HMCN2: variants seen among roughly 807,000 people sequenced by gnomAD.
HMCN2 encodes hemicentin 2.
A neutral mutation model predicts 377.5 loss-of-function variants in HMCN2; 325 were observed. That is an observed-to-expected ratio of 0.86 (90% CI 0.79 to 0.94). HMCN2 has a LOEUF of 0.94. Among genes scored for constraint, HMCN2 ranks in the 40% least tolerant of loss-of-function variants. HMCN2 has a pLI of 0.00. For synonymous variants in HMCN2, 2,007 were observed against 2,046.8 expected, an observed-to-expected ratio of 0.98 and a Z score of 0.53; for missense variants, 4,543 against 4,725.3, an observed-to-expected ratio of 0.96 and a Z score of 1.13.
chr9:130,348,767 G>A, intron 27 of HMCN2, 92 bp downstream of exon 27: 3 of 1,269,110 alleles, frequency 2.4e-6, no homozygotes, highest in Middle Eastern at 2.3e-4. Flanking sequence ...GCCAAGGTGG[G>A]GCAGGGAGAT....
chr9:130,292,650 G>A (rs1477842090), intron 4 of HMCN2, among the ~76,000 whole-genome samples: 1 of 152,178 alleles, frequency 6.6e-6, no homozygotes, highest in Non-Finnish European at 1.5e-5. Context: ...TATTCAATGT[G>A]TTTCAATTGA....
chr9:130,402,920 C>T (rs1217311182), intron 78 of HMCN2, 24 bp downstream of exon 78: 1 of 1,284,636 alleles, frequency 7.8e-7, no homozygotes, highest in African/African-American at 1.5e-5. Flanking sequence ...GTCCAGACCC[C>T]AGAGTTCCTA....
intron 4 of HMCN2, among the ~76,000 whole-genome samples, chr9:130,286,906 G>C (rs534628772): frequency 6.6e-6 from 1 of 152,252 alleles, no homozygotes; most frequent in East Asian, 1.9e-4. Flanking sequence ...TCCTCTCGGG[G>C]CTCCATGGTA....
At chr9:130,419,182 T>C in intron 86 of HMCN2, 141 bp downstream of exon 86, 1 of 834,842 alleles carries the variant, frequency 1.2e-6, no homozygotes, top group Non-Finnish European at 1.7e-6. Context: ...AAGCCCAGAA[T>C]GAACCCCTAC....
chr9:130,406,373 G>A (rs1162907591), intron 82 of HMCN2: 15 of 367,458 alleles, frequency 4.1e-5, no homozygotes, highest in Non-Finnish European at 6.9e-5. Context: ...TATCAGAGCT[G>A]GCAAGAGGCC....
At chr9:130,401,476 A>C (rs1361497225) in intron 77 of HMCN2, among the ~76,000 whole-genome samples, 1 of 152,126 alleles carries the variant, frequency 6.6e-6, no homozygotes, top group Non-Finnish European at 1.5e-5. Context: ...GGCACCTGCC[A>C]TCATGTAGGC....
At chr9:130,376,397 A>G in intron 51 of HMCN2, 119 bp from the exon 52 acceptor site, 1 of 165,114 alleles carries the variant, frequency 6.1e-6, no homozygotes, top group Non-Finnish European at 1.3e-5. Context: ...GCTGGCTTCC[A>G]GGATCCCTGT....
In HMCN2 at chr9:130,423,282, G is replaced by C. The variant is rs949120377; in HGVS notation, c.13381+556G>C. Among the ~76,000 whole-genome samples, 1 of 152,192 alleles carries C rather than the reference G, an allele frequency of 6.6e-6. No homozygotes were observed. Among genetic ancestry groups the C allele is most frequent in the Admixed American group, 6.5e-5 (1 of 15,286 alleles). ...AGAGCTTGTGACAGTGGACGTCACTGTCTCTCCCTTCCCAAGGAATCCCTG... is the reference window on the plus strand; with the variant it reads ...AGAGCTTGTGACAGTGGACGTCACTCTCTCTCCCTTCCCAAGGAATCCCTG... On this transcript the variant is annotated intron_variant, in intron 87 of 97. Transcript: ENST00000683500. This position sits in a 1 kb window ranked among gnomAD's most constrained non-coding sequence, Gnocchi z 5.5.
chr9:130,396,283 A>G lies in HMCN2; in HGVS notation c.11168A>G (p.Asp3723Gly). 7.8e-7 allele frequency: 1 copy of G among 1,281,678 alleles called. No individual in the cohort carries two copies. Among genetic ancestry groups the G allele is most frequent in the Non-Finnish European group, 1.0e-6 (1 of 982,156 alleles). The allele number at this position is 1,281,678 out of a possible 1,614,324, so 79.4% of individuals were successfully genotyped here. A position where few individuals can be genotyped will look rare whatever the true frequency, so the allele number is the denominator to read the frequency against. ...GCACCCCTCGTGAGCTGGCGGAAGGACAGGGTCCCCCTGGATCCCAGGAGC... is the reference window on the plus strand; with the variant it reads ...GCACCCCTCGTGAGCTGGCGGAAGGGCAGGGTCCCCCTGGATCCCAGGAGC... ...VPAPLVSWRK[D>G]RVPLDPRSPR... The change falls in exon 73 of 98, where the codon GAC becomes GGC. Residue 3723 changes from aspartate to glycine, a missense_variant. By Grantham distance (94) the Asp-to-Gly change is moderately conservative (BLOSUM62 -1). Around this residue, in one of 5 missense-constraint regions of HMCN2, gnomAD observed 1,073 missense variants for 1,319.5 expected, o/e 0.81. Coordinates refer to ENST00000683500, the MANE Select transcript of HMCN2 (RefSeq NM_001291815.2).
At chr9:130,343,674 C>T (rs1839187110) in intron 25 of HMCN2, among the ~76,000 whole-genome samples, 1 of 152,262 alleles carries the variant, frequency 6.6e-6, no homozygotes, top group Non-Finnish European at 1.5e-5. Flanking sequence ...GACTGCCACA[C>T]ACAGCCCTGG....
chr9:130,398,088 G>C (rs1195551715), intron 74 of HMCN2, among the ~76,000 whole-genome samples: 3 of 137,996 alleles, frequency 2.2e-5, no homozygotes, highest in Non-Finnish European at 1.5e-5. Flanking sequence ...GGGAGTTTCA[G>C]GCTATAGTGA....
chr9:130,423,869 C>A lies in HMCN2; in HGVS notation c.13382-907C>A, dbSNP rs35058896. On this transcript the variant is annotated intron_variant, in intron 87 of 97. Coordinates refer to ENST00000683500, the MANE Select transcript of HMCN2 (RefSeq NM_001291815.2). This position sits in a 1 kb window ranked among gnomAD's most constrained non-coding sequence, Gnocchi z 5.5. ...GAAAAGTTGGTTCACTTCAACTCAGCAAATATATAATGACAGTCTGTGGAG... is the reference window on the plus strand; with the variant it reads ...GAAAAGTTGGTTCACTTCAACTCAGAAAATATATAATGACAGTCTGTGGAG... Among the ~76,000 whole-genome samples, 46,978 of 152,122 alleles carry A rather than the reference C, an allele frequency of 0.31. 8,484 individuals carry two copies. Among genetic ancestry groups the A allele is most frequent in the Middle Eastern group, 0.49 (145 of 294 alleles).
rs1288748157 is a variant in HMCN2, at chr9:130,276,155, C to G, written c.260-8448C>G. ...GGTGTGTCAGGTCAGCCTGTACAGCCTGACCTGGTCTGGTTCCTGGGGATC... is the reference window on the plus strand; with the variant it reads ...GGTGTGTCAGGTCAGCCTGTACAGCGTGACCTGGTCTGGTTCCTGGGGATC... On this transcript the variant is annotated intron_variant, in intron 1 of 97. Transcript: ENST00000683500. Among the ~76,000 whole-genome samples, 3 of 151,990 alleles carry G rather than the reference C, an allele frequency of 2.0e-5. No homozygotes were observed. In the East Asian group the frequency reaches 5.9e-4, roughly 30 times the overall value.
intron 21 of HMCN2, among the ~76,000 whole-genome samples, chr9:130,326,879 G>A (rs938020347): frequency 6.6e-6 from 1 of 152,184 alleles, no homozygotes; most frequent in African/African-American, 2.4e-5. Context: ...GCTTCGAGAG[G>A]TCCAGAGGGA....
In HMCN2 at chr9:130,360,453, A is replaced by C. The variant is rs1011005142; in HGVS notation, c.5799A>C (p.Gln1933His). 2.3e-6 allele frequency: 3 copies of C among 1,301,834 alleles called. No homozygotes were observed. Among genetic ancestry groups the C allele is most frequent in the East Asian group, 1.1e-4 (2 of 17,906 alleles). 80.6% of individuals were successfully genotyped at this position (1,301,834 alleles called of 1,614,324 possible). ...PPDVSWFKGH[Q>H]PVSSWMGVTV... ...ATGTCTCCTGGTTCAAGGGCCACCAACCTGTCTCTTCATGGATGGGAGTGA... is the reference window on the plus strand; with the variant it reads ...ATGTCTCCTGGTTCAAGGGCCACCACCCTGTCTCTTCATGGATGGGAGTGA... The change falls in exon 38 of 98, where the codon CAA (glutamine) becomes CAC (histidine). Residue 1933 changes from glutamine (Q) to histidine (H), a missense_variant. By Grantham distance (24) the Gln-to-His change is conservative. This residue lies in a region of HMCN2 where 1,032 missense variants were observed against 1,285.1 expected (regional missense o/e 0.80). Transcript: ENST00000683500. This position sits in a 1 kb window ranked among gnomAD's most constrained non-coding sequence, Gnocchi z 4.7.
chr9:130,380,969 C>T (rs1352823688), intron 54 of HMCN2, among the ~76,000 whole-genome samples: 1 of 151,918 alleles, frequency 6.6e-6, no homozygotes, highest in Admixed American at 6.6e-5. Context: ...CCCGATCAGA[C>T]TCTAACCATC....
chr9:130,373,623 G>A (rs1804643680), intron 48 of HMCN2, among the ~76,000 whole-genome samples: 2 of 151,226 alleles, frequency 1.3e-5, no homozygotes, highest in African/African-American at 4.9e-5. Context: ...ATGGATGGAT[G>A]GATGGATGGA....
In HMCN2 at chr9:130,369,025, T is replaced by A. The variant is rs951192528; in HGVS notation, c.6788-545T>A. 6.6e-6 allele frequency among the ~76,000 whole-genome samples: 1 copy of A among 152,046 alleles called. No homozygotes were observed. On this transcript the variant is annotated intron_variant, in intron 44 of 97. Transcript: ENST00000683500. The surrounding 1 kb of genome is among the most constrained non-coding windows in gnomAD (Gnocchi z 4.5). ...GGGGTGGGGGCAGCAGCACAGTCCCTAAGGGCCCCCCAGTGGTCCAGAGGA... is the reference window on the plus strand; with the variant it reads ...GGGGTGGGGGCAGCAGCACAGTCCCAAAGGGCCCCCCAGTGGTCCAGAGGA...
At chr9:130,330,968 A>ACACAC (rs1838393883) in intron 22 of HMCN2, among the ~76,000 whole-genome samples, 8 of 131,510 alleles carry the variant, frequency 6.1e-5, no homozygotes, top group Admixed American at 3.0e-4. Context: ...TCTCTACTGA[A>ACACAC]ACACACACAC....
Sources: allele counts gnomAD v4.1 joint callset (sites outside exome capture counted in the v4.1 genomes callset), GRCh38; gene constraint gnomAD v4.1.1; regional missense constraint gnomAD v4.1.1; non-coding constraint Gnocchi (gnomAD v3.1); transcripts MANE v1.5; gene names NCBI Gene and HGNC (gene_info 2026-07-23, HGNC 2026-07-21).